The following ASIC2 variants were observed in gnomAD, a reference collection of about 807,000 sequenced individuals.
ASIC2 encodes the protein acid-sensing ion channel 2.
In ASIC2, 25 loss-of-function variants were observed where a neutral mutation model predicts 57.3. That is an observed-to-expected ratio of 0.44 (90% CI 0.32 to 0.61). The LOEUF is 0.61. Among genes scored for constraint, ASIC2 ranks in the 20% least tolerant of loss-of-function variants. The pLI is 0.06. For missense variants in ASIC2, 641 were observed against 738.1 expected, an observed-to-expected ratio of 0.87 and a Z score of 1.52; for synonymous variants, 319 against 307.5, an observed-to-expected ratio of 1.04 and a Z score of -0.39.
At chr17:33,417,428 T>G (rs913514670) in intron 1 of ASIC2, among the ~76,000 whole-genome samples, 1 of 152,320 alleles carries the variant, frequency 6.6e-6, no homozygotes, top group Non-Finnish European at 1.5e-5. Context: ...TGTCTGTAGC[T>G]TCTACCTACC....
At chr17:33,819,671 C>T (rs746096451) in intron 1 of ASIC2, among the ~76,000 whole-genome samples, 1 of 152,182 alleles carries the variant, frequency 6.6e-6, no homozygotes, top group Non-Finnish European at 1.5e-5. Flanking sequence ...CAGAGGATCT[C>T]CGGCAGAGTT....
intron 1 of ASIC2, among the ~76,000 whole-genome samples, chr17:34,064,761 A>C (rs868731145): frequency 1.4e-4 from 22 of 152,242 alleles, no homozygotes; most frequent in Non-Finnish European, 3.1e-4. Context: ...ACAAATGCCC[A>C]ACAAACATAT....
At chr17:33,696,853 T>C (rs930625665) in intron 1 of ASIC2, among the ~76,000 whole-genome samples, 4 of 152,188 alleles carry the variant, frequency 2.6e-5, no homozygotes, top group Non-Finnish European at 5.9e-5. Flanking sequence ...ATATTTACCA[T>C]TCATTAAGTG....
At chr17:33,383,846 C>T (rs983564581) in intron 1 of ASIC2, among the ~76,000 whole-genome samples, 1 of 152,120 alleles carries the variant, frequency 6.6e-6, no homozygotes, top group Non-Finnish European at 1.5e-5. Context: ...ACCAATTTAG[C>T]AGGGATTAAT....
chr17:34,099,728 A>AAAG (rs1287811980), intron 1 of ASIC2, among the ~76,000 whole-genome samples: 1 of 134,616 alleles, frequency 7.4e-6, no homozygotes, highest in African/African-American at 3.0e-5. Context: ...GAAAGAAGGA[A>AAAG]AGAAGGAAAG....
chr17:33,518,678 A>G (rs1050290885), intron 1 of ASIC2, among the ~76,000 whole-genome samples: 1 of 152,256 alleles, frequency 6.6e-6, no homozygotes, highest in African/African-American at 2.4e-5. Flanking sequence ...AAGTGAATAC[A>G]ATGTTACTGC....
At chr17:33,028,190 T>G in intron 4 of ASIC2, 52 bp downstream of exon 4, 1 of 1,525,838 alleles carries the variant, frequency 6.6e-7, no homozygotes, top group South Asian at 1.1e-5. Context: ...AAATGCAAGG[T>G]GGGTCCCAGG....
chr17:33,866,757 G>T (rs1914248374), intron 1 of ASIC2, among the ~76,000 whole-genome samples: 2 of 152,114 alleles, frequency 1.3e-5, no homozygotes, highest in South Asian at 4.1e-4. Context: ...AGGAAGTGGG[G>T]TCCAGAGATG....
intron 1 of ASIC2, among the ~76,000 whole-genome samples, chr17:33,815,225 G>A (rs1236846609): frequency 6.6e-6 from 1 of 152,134 alleles, no homozygotes; most frequent in African/African-American, 2.4e-5. Context: ...CCTCACATAG[G>A]CTCCGTATCT....
At chr17:34,057,969 T>C (rs985009407) in intron 1 of ASIC2, among the ~76,000 whole-genome samples, 1 of 152,114 alleles carries the variant, frequency 6.6e-6, no homozygotes, top group African/African-American at 2.4e-5. Flanking sequence ...GTCCCAGACA[T>C]TTTGACACCT....
intron 1 of ASIC2, among the ~76,000 whole-genome samples, chr17:33,636,608 C>T: frequency 6.6e-6 from 1 of 152,200 alleles, no homozygotes; most frequent in Non-Finnish European, 1.5e-5. Context: ...TTATGGGGCA[C>T]ATGTCTCTGG....
intron 1 of ASIC2, among the ~76,000 whole-genome samples, chr17:34,031,671 C>A (rs1328780059): frequency 2.6e-5 from 4 of 152,232 alleles, no homozygotes; most frequent in Admixed American, 2.6e-4. Context: ...CCTTAAGGGA[C>A]CTAATGGAGC....
chr17:33,343,982 C>T (rs1324305353), intron 1 of ASIC2, among the ~76,000 whole-genome samples: 2 of 152,174 alleles, frequency 1.3e-5, no homozygotes, highest in South Asian at 2.1e-4. Flanking sequence ...ACCTCCTCTT[C>T]GAAGCCTTCC....
chr17:33,020,736 CCTT>C (rs1376134944), intron 7 of ASIC2, among the ~76,000 whole-genome samples: 1 of 152,142 alleles, frequency 6.6e-6, no homozygotes, highest in African/African-American at 2.4e-5. Context: ...CAACACCTGG[CCTT>C]CTGGATGCAG....
chr17:33,448,587 G>A (rs1463650849), intron 1 of ASIC2, among the ~76,000 whole-genome samples: 1 of 152,208 alleles, frequency 6.6e-6, no homozygotes, highest in African/African-American at 2.4e-5. Flanking sequence ...GCTGGCAGCT[G>A]CCAGAAGTTG....
chr17:33,064,451 C>T (rs528895096), intron 3 of ASIC2, among the ~76,000 whole-genome samples: 22 of 152,226 alleles, frequency 1.4e-4, no homozygotes, highest in Non-Finnish European at 2.4e-4. Context: ...CCTGGGTAAT[C>T]TTCAATACCT....
chr17:33,257,072 T>C (rs1373167543), intron 1 of ASIC2, among the ~76,000 whole-genome samples: 1 of 152,128 alleles, frequency 6.6e-6, no homozygotes, highest in Non-Finnish European at 1.5e-5. Context: ...CTACCTCCCA[T>C]CCCAGAGTGC....
intron 1 of ASIC2, among the ~76,000 whole-genome samples, chr17:34,105,654 T>C (rs184633364): frequency 3.3e-4 from 50 of 152,084 alleles, no homozygotes; most frequent in Non-Finnish European, 6.2e-4. Flanking sequence ...TTACAAAAAA[T>C]AATGACAGTT....
chr17:33,587,389 A>G (rs781564110), intron 1 of ASIC2, among the ~76,000 whole-genome samples: 2 of 152,166 alleles, frequency 1.3e-5, no homozygotes, highest in African/African-American at 4.8e-5. Context: ...CAGTCCTGCT[A>G]TTTTGTGCTC....
Sources: allele counts gnomAD v4.1 joint callset (sites outside exome capture counted in the v4.1 genomes callset), GRCh38; gene constraint gnomAD v4.1.1; transcripts MANE v1.5; gene names NCBI Gene and HGNC (gene_info 2026-07-23, HGNC 2026-07-21).